Variants in NF1 observed in about 807,000 individuals in gnomAD.
The protein encoded by NF1 is neurofibromin 1.
Under a neutral mutation model 325.7 loss-of-function variants are expected in NF1, and 122 were observed. That is an observed-to-expected ratio of 0.37 (90% confidence interval 0.32 to 0.44). NF1 has a LOEUF of 0.44. Ranked by LOEUF, NF1 falls within the 20% of genes least tolerant of loss-of-function variation. The pLI is 1.00. For synonymous variants in NF1, 1,091 were observed against 1,186.0 expected (o/e 0.92, Z 1.65); for missense variants, 2,140 against 3,415.4 (o/e 0.63, Z 9.31).
Position 31,360,843 on chromosome 17 carries a change from CTGACT to C in NF1, c.8377+147_8377+151del. ...CTTACATTTCTTCTTTACCTTGTAACTGACTTGACTTTTGTTATTCTATGAAGCTT... is the reference window on the plus strand; with the variant it reads ...CTTACATTTCTTCTTTACCTTGTAACTGACTTTTGTTATTCTATGAAGCTT... On this transcript the variant is annotated intron_variant, in intron 57 of 57. Coordinates refer to ENST00000358273, the MANE Select transcript of NF1 (RefSeq NM_001042492.3). 3 of 749,464 alleles carry C rather than the reference CTGACT, an allele frequency of 4.0e-6. No homozygotes were observed. The Admixed American group carries it at 6.2e-5, about 15-fold the overall frequency. 46.4% of individuals were successfully genotyped at this position (749,464 alleles called of 1,614,324 possible).
At chr17:31,340,242 A>C (rs2069781495) in intron 46 of NF1, 1 of 506,878 alleles carries the variant, frequency 2.0e-6, no homozygotes, top group South Asian at 2.1e-5. Context: ...TAGAAGAATC[A>C]ACAAACCTTG....
intron 40 of NF1, among the ~76,000 whole-genome samples, chr17:31,335,442 A>G (rs1037114120): frequency 1.3e-5 from 2 of 149,172 alleles, no homozygotes; most frequent in Non-Finnish European, 3.0e-5. Context: ...TATTGATGCT[A>G]TTTGGGACAT....
At chr17:31,109,737 C>A (rs1913239629) in intron 1 of NF1, among the ~76,000 whole-genome samples, 1 of 152,172 alleles carries the variant, frequency 6.6e-6, no homozygotes, top group Middle Eastern at 3.2e-3. Context: ...TTGAATAGTT[C>A]TGCTTTTAAT....
chr17:31,289,307 C>T (rs1228937416), intron 36 of NF1, among the ~76,000 whole-genome samples: 1 of 152,176 alleles, frequency 6.6e-6, no homozygotes, highest in Non-Finnish European at 1.5e-5. Context: ...AGGCCCTGAT[C>T]ATGCAGTAAA....
intron 36 of NF1, chr17:31,304,100 TA>T (rs1276232980): frequency 4.1e-5 from 25 of 604,952 alleles, no homozygotes; most frequent in Non-Finnish European, 5.5e-5. Context: ...TAACTTTTTT[TA>T]AAAAAAAGTT....
chr17:31,368,699 T>C (rs2070578054), intron 57 of NF1, among the ~76,000 whole-genome samples: 1 of 152,234 alleles, frequency 6.6e-6, no homozygotes, highest in South Asian at 2.1e-4. Context: ...AGGAGCATCT[T>C]AATTTGTGGA....
At chr17:31,304,371 G>T (rs369411088) in intron 36 of NF1, 4 of 1,614,024 alleles carry the variant, frequency 2.5e-6, no homozygotes, top group Non-Finnish European at 2.5e-6. Flanking sequence ...AATCTTCTTG[G>T]TTTTTCATAA....
At chr17:31,215,511 A>C (rs1445857220) in intron 13 of NF1, among the ~76,000 whole-genome samples, 5 of 152,230 alleles carry the variant, frequency 3.3e-5, no homozygotes, top group African/African-American at 9.6e-5. Context: ...GGATCATAAT[A>C]GTTCCTATCT....
chr17:31,137,538 T>G (rs554206279), intron 1 of NF1: 5 of 152,348 alleles, frequency 3.3e-5, no homozygotes, highest in African/African-American at 1.2e-4. Context: ...ACCATTTTCC[T>G]TGAGGATTTC....
chr17:31,270,619 A>C (rs2067875719), intron 36 of NF1, among the ~76,000 whole-genome samples: 1 of 152,204 alleles, frequency 6.6e-6, no homozygotes, highest in Admixed American at 6.5e-5. Context: ...GAAAGAATAC[A>C]TTAAAACAAA....
At chr17:31,318,998 C>T (rs759341310) in intron 36 of NF1, 17 of 1,604,924 alleles carry the variant, frequency 1.1e-5, no homozygotes, top group Non-Finnish European at 1.4e-5. Flanking sequence ...CCTGTGTGTT[C>T]CATGTCCGTG....
At chr17:31,347,434 TA>T (rs549886021) in intron 48 of NF1, among the ~76,000 whole-genome samples, 1,681 of 152,322 alleles carry the variant, frequency 0.011, 26 homozygotes, top group African/African-American at 0.038. Context: ...GGGGTGGCCA[TA>T]AAGTCTAGAA....
At position 31,267,842 on chromosome 17, in the gene NF1, G is replaced by A. The variant is rs1792119332; in HGVS notation, c.4835+2503G>A. Among the ~76,000 whole-genome samples the A allele has an allele frequency of 2.0e-5, 3 of 152,068 alleles. No individual in the cohort carries two copies. In the South Asian group the frequency reaches 6.2e-4, roughly 32 times the overall value. On this transcript the variant is annotated intron_variant, in intron 36 of 57. Transcript: ENST00000358273. ...CATCCCTTCTAGTTCCCCATCTAGA[G>A]ACCCTAATCATTTTAAATTCTTTCC... is the stretch of plus-strand genomic sequence containing the variant.
intron 1 of NF1, among the ~76,000 whole-genome samples, chr17:31,118,879 A>G (rs979568404): frequency 6.6e-5 from 10 of 151,694 alleles, no homozygotes; most frequent in African/African-American, 1.5e-4. Context: ...GTCTTCCACA[A>G]TGGTTGAACT....
At chr17:31,345,752 G>C in intron 48 of NF1, 1 of 1,583,016 alleles carries the variant, frequency 6.3e-7, no homozygotes. Flanking sequence ...CCGAGTTGGA[G>C]AATAGGCGTG....
chr17:31,178,010 A>G (rs1011321853), intron 5 of NF1, among the ~76,000 whole-genome samples: 2 of 152,156 alleles, frequency 1.3e-5, no homozygotes, highest in African/African-American at 2.4e-5. Context: ...TTCAGGAAAT[A>G]CAGAGAACAC....
intron 1 of NF1, among the ~76,000 whole-genome samples, chr17:31,107,453 C>T (rs1025307122): frequency 6.6e-6 from 1 of 151,942 alleles, no homozygotes. Flanking sequence ...TTTGTAGAGA[C>T]GAGGTTTCGC....
chr17:31,111,106 C>T (rs1029583336), intron 1 of NF1, among the ~76,000 whole-genome samples: 11 of 151,536 alleles, frequency 7.3e-5, no homozygotes, highest in African/African-American at 2.7e-4. Context: ...TGACATTAAT[C>T]TGAAATTAAT....
intron 1 of NF1, among the ~76,000 whole-genome samples, chr17:31,098,154 A>C (rs1484271839): frequency 6.7e-6 from 1 of 149,350 alleles, no homozygotes; most frequent in Non-Finnish European, 1.5e-5. Flanking sequence ...TTATTATATA[A>C]GTGATAAATG....
Sources: allele counts gnomAD v4.1 joint callset (sites outside exome capture counted in the v4.1 genomes callset), GRCh38; gene constraint gnomAD v4.1.1; transcripts MANE v1.5; gene names NCBI Gene and HGNC (gene_info 2026-07-23, HGNC 2026-07-21).